WFDC8: variants seen among roughly 807,000 people sequenced by gnomAD.
The protein encoded by WFDC8 is WAP four-disulfide core domain protein 8.
A neutral mutation model predicts 27.0 loss-of-function variants in WFDC8; 24 were observed. The observed-to-expected ratio is 0.89, with a 90% CI of 0.64 to 1.25. The LOEUF (loss-of-function observed/expected upper bound fraction) is 1.25, where lower values mean the gene tolerates loss of function less well. Among genes scored for constraint, WFDC8 ranks in the 50% most tolerant of loss-of-function variants. WFDC8 has a pLI of 0.00. For synonymous variants in WFDC8, 106 were observed against 99.7 expected, an observed-to-expected ratio of 1.06 and a Z score of -0.38; for missense variants, 287 against 295.9, an observed-to-expected ratio of 0.97 and a Z score of 0.22.
chr20:45,574,061 G>T (rs145164940), intron 1 of WFDC8, among the ~76,000 whole-genome samples: 1 of 152,102 alleles, frequency 6.6e-6, no homozygotes, highest in Non-Finnish European at 1.5e-5. Flanking sequence ...AATGCAACTG[G>T]AATTTTGGTA....
intron 1 of WFDC8, among the ~76,000 whole-genome samples, chr20:45,575,369 T>C (rs1368686028): frequency 1.3e-5 from 2 of 152,180 alleles, no homozygotes; most frequent in African/African-American, 2.4e-5. Context: ...GGCATTTCTA[T>C]ACACTAACAA....
At chr20:45,570,370 G>C (rs1324312788) in intron 1 of WFDC8, among the ~76,000 whole-genome samples, 1 of 151,926 alleles carries the variant, frequency 6.6e-6, no homozygotes, top group Non-Finnish European at 1.5e-5. Flanking sequence ...ATGCTTGTGG[G>C]TATCAAATTA....
chr20:45,564,940 A>C (rs371654630), intron 1 of WFDC8, among the ~76,000 whole-genome samples: 1 of 131,850 alleles, frequency 7.6e-6, no homozygotes, highest in African/African-American at 2.8e-5. Flanking sequence ...AAGAAAGGAA[A>C]GAAAGAAAGA....
chr20:45,558,412 T>TATGAGTGAGTGAATAAATGA (rs1451640710), intron 3 of WFDC8, among the ~76,000 whole-genome samples: 2 of 152,238 alleles, frequency 1.3e-5, no homozygotes, highest in Admixed American at 1.3e-4. Flanking sequence ...TGAATAAATG[T>TATGAGTGAGTGAATAAATGA]ATGAGTGAGT....
intron 2 of WFDC8, 101 bp downstream of exon 2, chr20:45,562,009 G>T: frequency 9.1e-7 from 1 of 1,094,350 alleles, no homozygotes; most frequent in Non-Finnish European, 1.3e-6. Flanking sequence ...CAAATCCACA[G>T]TAGAGGGGGC....
intron 5 of WFDC8, 88 bp from the exon 6 acceptor site, chr20:45,552,253 G>A (rs1341338186): frequency 2.0e-6 from 3 of 1,509,150 alleles, no homozygotes; most frequent in Non-Finnish European, 1.8e-6. Flanking sequence ...TCTCAAACAA[G>A]GTTTTATTCT....
intron 5 of WFDC8, 80 bp from the exon 6 acceptor site, chr20:45,552,245 T>A: frequency 1.9e-6 from 3 of 1,545,376 alleles, no homozygotes; most frequent in Non-Finnish European, 2.7e-6. Context: ...CTTGGGAATC[T>A]CAAACAAGGT....
intron 1 of WFDC8, among the ~76,000 whole-genome samples, chr20:45,572,233 T>A (rs1980893346): frequency 6.6e-6 from 1 of 151,870 alleles, no homozygotes; most frequent in African/African-American, 2.4e-5. Flanking sequence ...CCGTCTCTAC[T>A]AAAAATACAA....
chr20:45,568,335 C>G (rs992920645), intron 1 of WFDC8: 9 of 246,358 alleles, frequency 3.7e-5, no homozygotes, highest in African/African-American at 1.6e-4. Context: ...TCATAAGTGT[C>G]TCAGAGAAGT....
intron 1 of WFDC8, among the ~76,000 whole-genome samples, chr20:45,564,141 C>T (rs1206424901): frequency 6.6e-6 from 1 of 152,084 alleles, no homozygotes; most frequent in African/African-American, 2.4e-5. Flanking sequence ...AAACACAGGT[C>T]TTATAGGTAA....
At chr20:45,554,458 G>A (rs529575824) in intron 4 of WFDC8, among the ~76,000 whole-genome samples, 1 of 152,192 alleles carries the variant, frequency 6.6e-6, no homozygotes, top group South Asian at 2.1e-4. Context: ...GGACATAGGT[G>A]GTATTTAAAT....
chr20:45,553,181 A>G lies in WFDC8; in HGVS notation c.541T>C (p.Cys181Arg), dbSNP rs780375285. Residue 181 changes from cysteine (C) to arginine (R), a missense_variant, in exon 5 of 6, where the codon TGT becomes CGT. Cys to Arg is a radical substitution (Grantham distance 180). Transcript: ENST00000289953. ...ACAAAGCCACACCTGGATTCACAAC[A>G]TTTGTCTGTCTGGGGACAATCGATG... ...SDIDCPQTDKCCESRCGFVCA... is the reference protein window; with the variant it reads ...SDIDCPQTDKRCESRCGFVCA... The G allele has an allele frequency of 6.2e-7, 1 of 1,613,696 alleles. No individual in the cohort carries two copies. The highest frequency in any genetic ancestry group is 1.1e-5 in the South Asian group (1 of 91,048).
chr20:45,578,217 T>C (rs1981112516), intron 1 of WFDC8, among the ~76,000 whole-genome samples: 1 of 151,022 alleles, frequency 6.6e-6, no homozygotes, highest in Admixed American at 6.6e-5. Context: ...ATGATGAAAA[T>C]GTGTGGTCAG....
chr20:45,576,449 G>A (rs1263883710), intron 1 of WFDC8, among the ~76,000 whole-genome samples: 1 of 150,996 alleles, frequency 6.6e-6, no homozygotes, highest in Non-Finnish European at 1.5e-5. Flanking sequence ...TCCCAGGGCG[G>A]AGCGCAGTGG....
chr20:45,555,348 A>G (rs1980198733), intron 4 of WFDC8, among the ~76,000 whole-genome samples: 1 of 152,160 alleles, frequency 6.6e-6, no homozygotes, highest in South Asian at 2.1e-4. Context: ...ATTCTTAAGC[A>G]AATCCTCAGT....
chr20:45,562,197 TG>T lies in WFDC8; in HGVS notation c.48del (p.Thr17ProfsTer7), dbSNP rs768119167. On this transcript the variant is annotated frameshift_variant, in exon 2 of 6. Transcript: ENST00000289953. LOFTEE classifies it high-confidence loss of function. The stretch of plus-strand genomic sequence containing the variant: ...AAAGCTACATTCCTCCAGGAGAAGG[TG>T]GGGCTATGGAGAGGAAAGTGCCTGT... ...TEGGHFPLHS[P>X]TFSWRNVAFL... 1 of 1,613,906 alleles carries T rather than the reference TG, an allele frequency of 6.2e-7. No individual in the cohort carries two copies. Among genetic ancestry groups the T allele is most frequent in the Admixed American group, 1.7e-5 (1 of 59,990 alleles).
In WFDC8 at chr20:45,551,875, A is replaced by T. The variant is rs141895627; in HGVS notation, c.*151T>A. ...AAGCCAAATATATCATCACTTTCAG[A>T]TGATGGGATTATATATAAAATCAAA... is the stretch of plus-strand genomic sequence containing the variant. On this transcript the variant is annotated 3_prime_UTR_variant, in exon 6 of 6. Coordinates refer to ENST00000289953, the MANE Select transcript of WFDC8 (RefSeq NM_130896.3). 785 of 960,598 alleles carry T rather than the reference A, an allele frequency of 8.2e-4. 6 individuals carry two copies. The African/African-American group carries it at 0.011, about 14-fold the overall frequency. The allele number at this position is 960,598 out of a possible 1,614,324, so 59.5% of individuals were successfully genotyped here.
At chr20:45,558,520 G>A (rs1600888908) in intron 3 of WFDC8, among the ~76,000 whole-genome samples, 1 of 152,212 alleles carries the variant, frequency 6.6e-6, no homozygotes, top group African/African-American at 2.4e-5. Context: ...GAAGATCAAA[G>A]AGTCTGAAAA....
chr20:45,560,862 T>G (rs1180884322), intron 2 of WFDC8, among the ~76,000 whole-genome samples: 1 of 152,180 alleles, frequency 6.6e-6, no homozygotes, highest in Non-Finnish European at 1.5e-5. Flanking sequence ...CATCTATGCA[T>G]CTTTCAGAAA....
Sources: allele counts gnomAD v4.1 joint callset (sites outside exome capture counted in the v4.1 genomes callset), GRCh38; gene constraint gnomAD v4.1.1; transcripts MANE v1.5; gene names NCBI Gene and HGNC (gene_info 2026-07-23, HGNC 2026-07-21).